The following XKR6 variants were observed in gnomAD, a reference collection of about 807,000 sequenced individuals.
XKR6 encodes XK-related protein 6.
XKR6 carries 22 observed loss-of-function variants against 56.7 expected under a neutral mutation model. The ratio of observed to expected loss-of-function variants is 0.39; its 90% CI spans 0.28 to 0.55. XKR6 has a LOEUF of 0.55. Ranked by LOEUF, XKR6 falls within the 20% of genes least tolerant of loss-of-function variation. The probability of loss-of-function intolerance (pLI) is 0.66; values close to 1 mark genes in which losing one functional copy is unlikely to be tolerated. For synonymous variants in XKR6, 524 were observed against 387.8 expected (o/e 1.35, Z -4.13); for missense variants, 852 against 889.0 (o/e 0.96, Z 0.53).
At chr8:11,091,634 A>G (rs560232342) in intron 1 of XKR6, among the ~76,000 whole-genome samples, 9 of 152,196 alleles carry the variant, frequency 5.9e-5, no homozygotes, top group South Asian at 4.2e-4. Context: ...TTGGTTTTAC[A>G]TGTGCTGCCC....
chr8:11,179,356 G>A (rs1802848002), intron 1 of XKR6, among the ~76,000 whole-genome samples: 1 of 152,132 alleles, frequency 6.6e-6, no homozygotes, highest in African/African-American at 2.4e-5. Flanking sequence ...AGAAAAGACA[G>A]ATTAAAATAA....
intron 1 of XKR6, among the ~76,000 whole-genome samples, chr8:10,942,429 G>A (rs966311046): frequency 3.9e-5 from 6 of 152,176 alleles, no homozygotes; most frequent in Admixed American, 1.3e-4. Flanking sequence ...TGCTGTGGGC[G>A]AGGTCTCTTG....
At chr8:10,996,559 T>C (rs1039163037) in intron 1 of XKR6, among the ~76,000 whole-genome samples, 3 of 152,182 alleles carry the variant, frequency 2.0e-5, no homozygotes, top group South Asian at 2.1e-4. Context: ...CAGAACACCA[T>C]ACACCCCCAG....
intron 1 of XKR6, among the ~76,000 whole-genome samples, chr8:10,977,330 C>A (rs1444581608): frequency 1.3e-5 from 2 of 151,994 alleles, no homozygotes; most frequent in Non-Finnish European, 2.9e-5. Flanking sequence ...CCCAGGGACA[C>A]CCTGCCCTCT....
At chr8:11,099,219 C>A (rs545437579) in intron 1 of XKR6, among the ~76,000 whole-genome samples, 6 of 152,206 alleles carry the variant, frequency 3.9e-5, no homozygotes, top group African/African-American at 1.4e-4. Flanking sequence ...GGAGGGCAAT[C>A]GTCCAACCAA....
chr8:11,104,974 G>A (rs1009218231), intron 1 of XKR6: 3 of 152,136 alleles, frequency 2.0e-5, no homozygotes, highest in Admixed American at 6.5e-5. Context: ...GATGGTGACG[G>A]CTGTCCTTTT....
intron 1 of XKR6, among the ~76,000 whole-genome samples, chr8:11,053,300 C>T (rs897383326): frequency 4.6e-5 from 7 of 152,192 alleles, no homozygotes; most frequent in African/African-American, 1.7e-4. Context: ...AAAGTCTCTG[C>T]ATTAAGCAAC....
chr8:11,150,843 A>C (rs1801234895), intron 1 of XKR6, among the ~76,000 whole-genome samples: 1 of 124,468 alleles, frequency 8.0e-6, no homozygotes. Flanking sequence ...ACAGAGCAAG[A>C]CTCCATCTCA....
intron 1 of XKR6, among the ~76,000 whole-genome samples, chr8:11,009,138 C>A (rs1016772167): frequency 6.6e-6 from 1 of 152,102 alleles, no homozygotes; most frequent in Non-Finnish European, 1.5e-5. Context: ...TTTAGCTAAT[C>A]ATTCCATAGT....
chr8:11,191,585 T>A (rs141276565), intron 1 of XKR6, among the ~76,000 whole-genome samples: 36 of 151,698 alleles, frequency 2.4e-4, no homozygotes, highest in Admixed American at 1.0e-3. Flanking sequence ...AGATGCAACT[T>A]CAAGTTTACT....
chr8:11,086,210 A>G (rs1328113981), intron 1 of XKR6, among the ~76,000 whole-genome samples: 1 of 151,698 alleles, frequency 6.6e-6, no homozygotes, highest in Non-Finnish European at 1.5e-5. Flanking sequence ...CTAATGCATC[A>G]ACTCACTGGC....
chr8:11,025,463 G>T (rs923255717), intron 1 of XKR6, among the ~76,000 whole-genome samples: 8 of 152,168 alleles, frequency 5.3e-5, no homozygotes, highest in African/African-American at 1.9e-4. Flanking sequence ...GGGAGGGGTT[G>T]CCAATGGGAT....
chr8:11,123,591 C>T, intron 1 of XKR6: 1 of 305,134 alleles, frequency 3.3e-6, no homozygotes, highest in Non-Finnish European at 6.5e-6. Context: ...AATGGATATA[C>T]ACGAGGATTA....
At chr8:11,002,347 G>A (rs1259714895) in intron 1 of XKR6, 2 of 257,428 alleles carry the variant, frequency 7.8e-6, no homozygotes, top group Non-Finnish European at 1.7e-5. Context: ...TGGAAAGGCT[G>A]GACCATGACC....
chr8:11,021,624 G>C (rs1300020595), intron 1 of XKR6, among the ~76,000 whole-genome samples: 1 of 152,142 alleles, frequency 6.6e-6, no homozygotes, highest in Non-Finnish European at 1.5e-5. Flanking sequence ...AAGCACACAG[G>C]ATCCCAAACG....
chr8:11,046,166 A>T (rs1799405524), intron 1 of XKR6, among the ~76,000 whole-genome samples: 1 of 152,212 alleles, frequency 6.6e-6, no homozygotes, highest in Non-Finnish European at 1.5e-5. Context: ...TGGGAGGTCG[A>T]GGTGGGCAGA....
At chr8:10,978,333 C>T (rs1472528522) in intron 1 of XKR6, among the ~76,000 whole-genome samples, 1 of 152,218 alleles carries the variant, frequency 6.6e-6, no homozygotes, top group Non-Finnish European at 1.5e-5. Context: ...CCATCCAACA[C>T]TGGCCAATTT....
intron 1 of XKR6, among the ~76,000 whole-genome samples, chr8:10,956,722 A>C (rs1801901634): frequency 6.6e-6 from 1 of 152,208 alleles, no homozygotes; most frequent in Non-Finnish European, 1.5e-5. Flanking sequence ...GCTGGAGCCA[A>C]TAATCACAGC....
At chr8:11,190,272 AAAG>A (rs1803504951) in intron 1 of XKR6, among the ~76,000 whole-genome samples, 1 of 151,736 alleles carries the variant, frequency 6.6e-6, no homozygotes, top group South Asian at 2.1e-4. Context: ...AAGGAAAAGA[AAAG>A]AAAGGAAAAT....
Sources: allele counts gnomAD v4.1 joint callset (sites outside exome capture counted in the v4.1 genomes callset), GRCh38; gene constraint gnomAD v4.1.1; transcripts MANE v1.5; gene names NCBI Gene and HGNC (gene_info 2026-07-23, HGNC 2026-07-21).